Variants in CCDC102B observed in about 807,000 individuals in gnomAD.
CCDC102B encodes coiled-coil domain-containing protein 102B.
In CCDC102B, 75 loss-of-function variants were observed where a neutral mutation model predicts 57.4. The ratio of observed to expected loss-of-function variants is 1.31; its 90% CI spans 1.08 to 1.58. The LOEUF is 1.58. CCDC102B is among the 40% of genes most tolerant of loss of function. CCDC102B has a pLI of 0.00. For synonymous variants in CCDC102B, 206 were observed against 201.9 expected (o/e 1.02, Z -0.17); for missense variants, 636 against 582.6 (o/e 1.09, Z -0.94).
chr18:69,036,577 G>C (rs1335219343), intron 7 of CCDC102B, among the ~76,000 whole-genome samples: 2 of 152,050 alleles, frequency 1.3e-5, no homozygotes, highest in Non-Finnish European at 2.9e-5. Context: ...CAGTGGAAGG[G>C]CGTCTGTTGC....
In CCDC102B at chr18:68,809,600, A is replaced by G. The variant is rs184514557; in HGVS notation, c.-16+11419A>G. ...CCATTTAATAGCTACATAATTTTTA[A>G]AATAAATACATACTCATTTCCATGA... On this transcript the variant is annotated intron_variant, in intron 1 of 7. Coordinates refer to ENST00000360242, the MANE Select transcript of CCDC102B (RefSeq NM_024781.3). Among the ~76,000 whole-genome samples, 556 of 152,330 alleles carry G rather than the reference A, an allele frequency of 3.6e-3. 3 individuals carry two copies. The highest frequency in any genetic ancestry group is 6.8e-3 in the Middle Eastern group (2 of 294).
chr18:68,913,757 G>A (rs1214899608), intron 6 of CCDC102B, among the ~76,000 whole-genome samples: 1 of 151,982 alleles, frequency 6.6e-6, no homozygotes, highest in Non-Finnish European at 1.5e-5. Flanking sequence ...AAAGCTAAAG[G>A]AAGCGTAATT....
chr18:69,036,126 C>T (rs573431963), intron 7 of CCDC102B, among the ~76,000 whole-genome samples: 1 of 152,054 alleles, frequency 6.6e-6, no homozygotes, highest in East Asian at 1.9e-4. Context: ...GTTTTATATA[C>T]CAATAAAAAG....
At chr18:68,967,413 AG>A (rs1215094634) in intron 6 of CCDC102B, among the ~76,000 whole-genome samples, 2 of 152,226 alleles carry the variant, frequency 1.3e-5, no homozygotes, top group East Asian at 3.9e-4. Flanking sequence ...CAAGACATGA[AG>A]TCTTTAGCAC....
chr18:68,732,279 A>G (rs1196599842), intron 2 of CCDC102B, among the ~76,000 whole-genome samples: 2 of 151,710 alleles, frequency 1.3e-5, no homozygotes, highest in East Asian at 3.9e-4. Flanking sequence ...TTGGTTAATA[A>G]TAACCATAGC....
chr18:68,874,853 T>A, intron 5 of CCDC102B, 68 bp downstream of exon 5: 1 of 994,626 alleles, frequency 1.0e-6, no homozygotes, highest in Non-Finnish European at 1.6e-6. Context: ...TGCCATACTA[T>A]TTTAAGTAGG....
intron 2 of CCDC102B, among the ~76,000 whole-genome samples, chr18:68,756,880 G>GGT (rs34070734): frequency 0.066 from 9,918 of 150,210 alleles, 399 homozygotes; most frequent in Admixed American, 0.13. Context: ...TGCTATATCT[G>GGT]GTGTGTGTGT....
chr18:68,783,632 A>G (rs1402997944), intron 2 of CCDC102B, among the ~76,000 whole-genome samples: 2 of 152,110 alleles, frequency 1.3e-5, no homozygotes, highest in Admixed American at 6.6e-5. Flanking sequence ...TCTTTCAGAT[A>G]TTGGGTGATG....
intron 2 of CCDC102B, among the ~76,000 whole-genome samples, chr18:68,751,611 G>T (rs2145246880): frequency 6.6e-6 from 1 of 152,262 alleles, no homozygotes; most frequent in South Asian, 2.1e-4. Flanking sequence ...TGTACATCAG[G>T]TGACCCAAAT....
chr18:68,987,472 A>T (rs1351927494), intron 6 of CCDC102B, among the ~76,000 whole-genome samples: 1 of 152,218 alleles, frequency 6.6e-6, no homozygotes, highest in African/African-American at 2.4e-5. Context: ...GAAACCTAGG[A>T]AACACCTTTC....
intron 7 of CCDC102B, among the ~76,000 whole-genome samples, chr18:69,021,514 G>T (rs2051832280): frequency 6.6e-6 from 1 of 152,092 alleles, no homozygotes; most frequent in Non-Finnish European, 1.5e-5. Flanking sequence ...CTCTATATTA[G>T]GTGTTGGAAT....
rs1491265705 is a variant in CCDC102B, at chr18:68,857,293, TTA to T, written c.936+10881_936+10882del. Among the ~76,000 whole-genome samples, 19 of 4,564 alleles carry T rather than the reference TTA, an allele frequency of 4.2e-3. 1 individual carries two copies. The highest frequency in any genetic ancestry group is 0.014 in the South Asian group (4 of 278). 3.0% of individuals were successfully genotyped at this position (4,564 alleles called of 152,430 possible). On this transcript the variant is annotated intron_variant, in intron 4 of 7. Transcript: ENST00000360242. ...TATATATATAATATATATTTATATA[TTA>T]TATATATAATATATATTTATATATT... is the stretch of plus-strand genomic sequence containing the variant.
chr18:68,879,847 A>C (rs2039610201), intron 5 of CCDC102B, among the ~76,000 whole-genome samples: 1 of 151,862 alleles, frequency 6.6e-6, no homozygotes, highest in Non-Finnish European at 1.5e-5. Context: ...CTAGATACAG[A>C]GTGCCGATTG....
At chr18:68,757,212 G>A (rs980759899) in intron 2 of CCDC102B, among the ~76,000 whole-genome samples, 4 of 152,020 alleles carry the variant, frequency 2.6e-5, no homozygotes, top group African/African-American at 7.2e-5. Context: ...GCTTGCTTAC[G>A]TAATAAAGAT....
chr18:68,953,940 G>A (rs895005810), intron 6 of CCDC102B, among the ~76,000 whole-genome samples: 4 of 151,720 alleles, frequency 2.6e-5, no homozygotes, highest in Admixed American at 2.0e-4. Context: ...GTAAAAAATT[G>A]TATAAACTCA....
chr18:68,849,749 A>G (rs540634928), intron 4 of CCDC102B, among the ~76,000 whole-genome samples: 1 of 152,224 alleles, frequency 6.6e-6, no homozygotes, highest in African/African-American at 2.4e-5. Context: ...GCCCACTGAC[A>G]GCACGCTTTC....
At chr18:68,746,455 T>C (rs895526801) in intron 2 of CCDC102B, among the ~76,000 whole-genome samples, 1 of 152,156 alleles carries the variant, frequency 6.6e-6, no homozygotes, top group Non-Finnish European at 1.5e-5. Flanking sequence ...TGATATGCTT[T>C]CTTCATAATC....
intron 6 of CCDC102B, among the ~76,000 whole-genome samples, chr18:68,945,834 A>C (rs886997647): frequency 6.6e-6 from 1 of 152,040 alleles, no homozygotes; most frequent in Non-Finnish European, 1.5e-5. Context: ...TACATTTTCT[A>C]ATCTAATTAA....
chr18:68,852,813 C>T (rs7238003), intron 4 of CCDC102B, among the ~76,000 whole-genome samples: 48,669 of 151,994 alleles, frequency 0.32, 9,224 homozygotes, highest in East Asian at 0.66. Context: ...TGTTTTTGAA[C>T]GAAACGATTT....
Sources: allele counts gnomAD v4.1 joint callset (sites outside exome capture counted in the v4.1 genomes callset), GRCh38; gene constraint gnomAD v4.1.1; transcripts MANE v1.5; gene names NCBI Gene and HGNC (gene_info 2026-07-23, HGNC 2026-07-21).